Variants in DNAJB14 observed in about 807,000 individuals in gnomAD.
DNAJB14 encodes the protein dnaJ homolog subfamily B member 14.
A neutral mutation model predicts 48.4 loss-of-function variants in DNAJB14; 22 were observed. The observed-to-expected ratio is 0.45, with a 90% CI of 0.32 to 0.65. The LOEUF (loss-of-function observed/expected upper bound fraction) is 0.65, where lower values mean the gene tolerates loss of function less well. DNAJB14 is among the 30% of genes least tolerant of loss of function. The probability of loss-of-function intolerance (pLI) is 0.03; values close to 1 mark genes in which losing one functional copy is unlikely to be tolerated. For synonymous variants in DNAJB14, 142 were observed against 158.7 expected (o/e 0.89, Z 0.79); for missense variants, 319 against 458.8 (o/e 0.70, Z 2.78).
intron 3 of DNAJB14, among the ~76,000 whole-genome samples, chr4:99,912,549 G>A (rs1464494147): frequency 3.3e-5 from 5 of 151,868 alleles, no homozygotes; most frequent in Admixed American, 6.6e-5. Flanking sequence ...GCGCGATCTC[G>A]GCTCATTGCA....
At chr4:99,925,000 C>G (rs1041054459) in intron 2 of DNAJB14, 6 of 590,302 alleles carry the variant, frequency 1.0e-5, no homozygotes, top group Non-Finnish European at 1.8e-5. Flanking sequence ...TTGTTATGGA[C>G]TGCTGCCCTA....
Position 99,897,000 on chromosome 4 carries a change from G to A in DNAJB14, c.*4028C>T, listed in dbSNP as rs372052460. 4 of 152,064 alleles carry A rather than the reference G, an allele frequency of 2.6e-5. No homozygotes were observed. The East Asian group carries it at 7.7e-4, about 29-fold the overall frequency. The allele number at this position is 152,064 out of a possible 1,614,324, so 9.4% of individuals were successfully genotyped here. On this transcript the variant is annotated 3_prime_UTR_variant, in exon 8 of 8. Coordinates refer to ENST00000442697, the MANE Select transcript of DNAJB14 (RefSeq NM_001031723.4). ...AAAGATATAATTATGTTTGAAGCAT[G>A]GGCCTTATAATAGGAATCTCTCCAT...
intron 2 of DNAJB14, chr4:99,924,949 A>T: frequency 1.5e-6 from 1 of 661,920 alleles, no homozygotes; most frequent in Non-Finnish European, 2.7e-6. Flanking sequence ...ATCCCATTTA[A>T]GTGTGAATAC....
intron 1 of DNAJB14, among the ~76,000 whole-genome samples, chr4:99,935,284 T>C (rs7655944): frequency 0.011 from 1,705 of 152,292 alleles, 37 homozygotes; most frequent in African/African-American, 0.039. Context: ...TCAGACTTTG[T>C]TCATCAGTAG....
chr4:99,925,318 T>G (rs1726211839), intron 2 of DNAJB14: 1 of 152,780 alleles, frequency 6.5e-6, no homozygotes, highest in Non-Finnish European at 1.5e-5. Context: ...AATTCAAAGT[T>G]GGTTAAATCC....
intron 3 of DNAJB14, among the ~76,000 whole-genome samples, chr4:99,915,699 C>G (rs1725829862): frequency 6.6e-6 from 1 of 152,042 alleles, no homozygotes; most frequent in South Asian, 2.1e-4. Flanking sequence ...AATTTGTAGT[C>G]TGCTGTTGTT....
At chr4:99,943,899 C>A (rs1726972287) in intron 1 of DNAJB14, among the ~76,000 whole-genome samples, 1 of 152,014 alleles carries the variant, frequency 6.6e-6, no homozygotes, top group Non-Finnish European at 1.5e-5. Context: ...CTACAACAAA[C>A]TTAAAAACTT....
chr4:99,905,492 A>C, intron 6 of DNAJB14, 105 bp downstream of exon 6: 1 of 722,476 alleles, frequency 1.4e-6, no homozygotes, highest in Admixed American at 2.5e-5. Context: ...ACTTGCAGTA[A>C]TAGATTTGGC....
intron 2 of DNAJB14, 190 bp downstream of exon 2, chr4:99,930,260 T>C (rs1342360183): frequency 3.9e-5 from 17 of 439,834 alleles, no homozygotes; most frequent in Non-Finnish European, 6.0e-5. Context: ...CTTTAAAAAA[T>C]AGAATATTCT....
intron 3 of DNAJB14, among the ~76,000 whole-genome samples, chr4:99,910,631 A>G (rs1347201694): frequency 6.6e-6 from 1 of 152,064 alleles, no homozygotes; most frequent in Non-Finnish European, 1.5e-5. Context: ...GTCATAATCT[A>G]TAATTGTACA....
At position 99,946,341 on chromosome 4, in the gene DNAJB14, G is replaced by T; in HGVS notation, c.133+98C>A. On this transcript the variant is annotated intron_variant, in intron 1 of 7. Coordinates refer to ENST00000442697, the MANE Select transcript of DNAJB14 (RefSeq NM_001031723.4). Reference sequence around the variant, plus strand: ...TGGGGCTGGCTCAGACAGGCCGGGGGCCCCGCAGGCCTCCAGGAGGGGCCG... The same window carrying T: ...TGGGGCTGGCTCAGACAGGCCGGGGTCCCCGCAGGCCTCCAGGAGGGGCCG... The T allele has an allele frequency of 2.6e-6, 4 of 1,521,998 alleles. No homozygotes were observed. The East Asian group carries it at 7.4e-5, about 28-fold the overall frequency. 94.3% of individuals were successfully genotyped at this position (1,521,998 alleles called of 1,614,324 possible).
chr4:99,918,099 T>C (rs985482523), intron 3 of DNAJB14, among the ~76,000 whole-genome samples: 1 of 152,180 alleles, frequency 6.6e-6, no homozygotes, highest in Non-Finnish European at 1.5e-5. Context: ...AGGACACCAA[T>C]CACCTAAATA....
rs1725250543 is a variant in DNAJB14, at chr4:99,900,174, A to G, written c.*854T>C. On this transcript the variant is annotated 3_prime_UTR_variant, in exon 8 of 8. Coordinates refer to ENST00000442697, the MANE Select transcript of DNAJB14 (RefSeq NM_001031723.4). ...ATGGGGGAAAATGTGAGTCCTCTTCATAAATTTTAGCAGCCCTTCAAGGAC... is the reference window on the plus strand; with the variant it reads ...ATGGGGGAAAATGTGAGTCCTCTTCGTAAATTTTAGCAGCCCTTCAAGGAC... 6.6e-6 allele frequency: 1 copy of G among 152,412 alleles called. No individual in the cohort carries two copies. The highest frequency in any genetic ancestry group is 2.4e-5 in the African/African-American group (1 of 41,450). 9.4% of individuals were successfully genotyped at this position (152,412 alleles called of 1,614,324 possible).
At chr4:99,944,572 CTT>C (rs529320514) in intron 1 of DNAJB14, among the ~76,000 whole-genome samples, 3 of 141,034 alleles carry the variant, frequency 2.1e-5, no homozygotes. Flanking sequence ...TTTTTTTGGT[CTT>C]TTTTTTTTTG....
chr4:99,921,100 G>A (rs921557741), intron 3 of DNAJB14, among the ~76,000 whole-genome samples: 4 of 152,136 alleles, frequency 2.6e-5, no homozygotes, highest in Admixed American at 2.0e-4. Context: ...ACTGTTACTC[G>A]CCAAGCGTGT....
intron 1 of DNAJB14, among the ~76,000 whole-genome samples, chr4:99,943,934 C>T (rs766464448): frequency 3.3e-5 from 5 of 151,862 alleles, no homozygotes; most frequent in Non-Finnish European, 5.9e-5. Context: ...GCACCATCAA[C>T]AAAGTGATGA....
chr4:99,931,995 T>A (rs1323205108), intron 1 of DNAJB14, among the ~76,000 whole-genome samples: 1 of 152,050 alleles, frequency 6.6e-6, no homozygotes, highest in Non-Finnish European at 1.5e-5. Flanking sequence ...AAATTTGGAC[T>A]CCATCACACT....
chr4:99,900,990 TAA>T lies in DNAJB14; in HGVS notation c.*36_*37del. The T allele has an allele frequency of 6.4e-7, 1 of 1,574,358 alleles. No individual in the cohort carries two copies. Among genetic ancestry groups the T allele is most frequent in the South Asian group, 1.2e-5 (1 of 85,470 alleles). ...AAACCAAACTTACTTACAGAAAAAATAAAGAGTACGCTAAAAGGTATAAATAA... is the reference window on the plus strand; with the variant it reads ...AAACCAAACTTACTTACAGAAAAAATAGAGTACGCTAAAAGGTATAAATAA... On this transcript the variant is annotated 3_prime_UTR_variant, in exon 8 of 8. Transcript: ENST00000442697.
intron 3 of DNAJB14, among the ~76,000 whole-genome samples, chr4:99,912,018 C>T (rs769352703): frequency 3.3e-5 from 5 of 152,274 alleles, no homozygotes; most frequent in Admixed American, 6.5e-5. Flanking sequence ...TTTATATTTA[C>T]ATTCATGATC....
Sources: allele counts gnomAD v4.1 joint callset (sites outside exome capture counted in the v4.1 genomes callset), GRCh38; gene constraint gnomAD v4.1.1; transcripts MANE v1.5; gene names NCBI Gene and HGNC (gene_info 2026-07-23, HGNC 2026-07-21).